Variants in CPNE8 observed in about 807,000 individuals in gnomAD.
The protein encoded by CPNE8 is copine 8, also known as copine-8.
Under a neutral mutation model 81.5 loss-of-function variants are expected in CPNE8, and 45 were observed. The ratio of observed to expected loss-of-function variants is 0.55; its 90% CI spans 0.44 to 0.71. The LOEUF is 0.71. CPNE8 is among the 30% of genes least tolerant of loss of function. The pLI is 0.00. For missense variants in CPNE8, 594 were observed against 672.1 expected, an observed-to-expected ratio of 0.88 and a Z score of 1.28; for synonymous variants, 252 against 226.3, an observed-to-expected ratio of 1.11 and a Z score of -1.02.
chr12:38,808,438 G>C (rs567974299), intron 6 of CPNE8, among the ~76,000 whole-genome samples: 2 of 152,094 alleles, frequency 1.3e-5, no homozygotes, highest in East Asian at 3.9e-4. Flanking sequence ...AAAATGATGA[G>C]TTCATGTCTT....
intron 6 of CPNE8, among the ~76,000 whole-genome samples, chr12:38,788,781 C>T (rs1331132365): frequency 2.6e-5 from 4 of 151,436 alleles, no homozygotes; most frequent in East Asian, 3.9e-4. Context: ...ATAAAATCAA[C>T]GTAAAAATCA....
In CPNE8 at chr12:38,809,680, C is replaced by T. The variant is rs546788847; in HGVS notation, c.407+19699G>A. Among the ~76,000 whole-genome samples the T allele has an allele frequency of 3.3e-5, 5 of 152,268 alleles. No homozygotes were observed. In the East Asian group the frequency reaches 9.7e-4, roughly 29 times the overall value. The stretch of plus-strand genomic sequence containing the variant: ...TCCCTGCCCAGGTCCCTGAAGATCT[C>T]ATCACATTATAACACAAATTCAGTT... On this transcript the variant is annotated intron_variant, in intron 6 of 19. Transcript: ENST00000331366.
intron 6 of CPNE8, among the ~76,000 whole-genome samples, chr12:38,821,627 C>A (rs143001218): frequency 6.6e-6 from 1 of 152,178 alleles, no homozygotes; most frequent in Non-Finnish European, 1.5e-5. Flanking sequence ...AAAACTCATT[C>A]ATTTTACCTA....
chr12:38,806,259 C>A (rs1942798862), intron 6 of CPNE8, among the ~76,000 whole-genome samples: 1 of 150,030 alleles, frequency 6.7e-6, no homozygotes, highest in Non-Finnish European at 1.5e-5. Context: ...TTGATGAGGC[C>A]AGCATCATCC....
At chr12:38,906,321 A>G, upstream of CPNE8, 1 of 985,032 alleles carries the variant, frequency 1.0e-6, no homozygotes, top group Non-Finnish European at 1.2e-6. Flanking sequence ...AATATATGGG[A>G]CAAGTGGGGG....
Position 38,675,765 on chromosome 12 carries a change from G to A in CPNE8, c.1384C>T (p.Leu462Phe). 6.2e-7 allele frequency: 1 copy of A among 1,600,874 alleles called. No homozygotes were observed. Reference protein sequence around the residue: ...TKESIVNASKLPMSIIIVGVG... With the variant: ...TKESIVNASKFPMSIIIVGVG... Reference sequence around the variant, plus strand: ...CCTACTATAATTATTGACATTGGAAGTTTTGAGGCCTTCAAAGAGAATATA... The same window carrying A: ...CCTACTATAATTATTGACATTGGAAATTTTGAGGCCTTCAAAGAGAATATA... The change falls in exon 18 of 20, where the codon CTT (leucine) becomes TTT (phenylalanine). Residue 462 changes from leucine (L) to phenylalanine (F), a missense_variant. Transcript: ENST00000331366.
rs148880530 is a variant in CPNE8, at chr12:38,729,232, T to C, written c.798+1051A>G. ...ATTTACGTAATTACAACCTGTCTTA[T>C]ATGATTTATTTCCTGTTTAGAACCT... On this transcript the variant is annotated intron_variant, in intron 11 of 19. Coordinates refer to ENST00000331366, the MANE Select transcript of CPNE8 (RefSeq NM_153634.3). Among the ~76,000 whole-genome samples, 732 of 152,230 alleles carry C rather than the reference T, an allele frequency of 4.8e-3. 2 individuals are homozygous for C. Among genetic ancestry groups the C allele is most frequent in the Non-Finnish European group, 7.6e-3 (514 of 67,954 alleles).
intron 6 of CPNE8, among the ~76,000 whole-genome samples, chr12:38,809,839 TG>T (rs1942897482): frequency 6.6e-6 from 1 of 152,182 alleles, no homozygotes; most frequent in Admixed American, 6.6e-5. Context: ...GACCTGTGGC[TG>T]TAAAGAAACA....
At chr12:38,749,680 C>A (rs1941311333) in intron 10 of CPNE8, among the ~76,000 whole-genome samples, 1 of 152,080 alleles carries the variant, frequency 6.6e-6, no homozygotes, top group Non-Finnish European at 1.5e-5. Flanking sequence ...ATTTGTGGAA[C>A]TTTGAACTTG....
chr12:38,873,168 TA>T, intron 2 of CPNE8, 118 bp from the exon 3 acceptor site: 1 of 613,438 alleles, frequency 1.6e-6, no homozygotes, highest in Non-Finnish European at 2.8e-6. Flanking sequence ...GCCTAATTCC[TA>T]GACTTACCCT....
At chr12:38,893,570 T>C (rs1053331849) in intron 1 of CPNE8, among the ~76,000 whole-genome samples, 1 of 152,252 alleles carries the variant, frequency 6.6e-6, no homozygotes, top group Non-Finnish European at 1.5e-5. Flanking sequence ...GGTGCTGCTC[T>C]GCCTATGGGT....
intron 19 of CPNE8, among the ~76,000 whole-genome samples, chr12:38,658,200 C>T (rs1432101747): frequency 6.6e-6 from 1 of 152,028 alleles, no homozygotes; most frequent in Non-Finnish European, 1.5e-5. Flanking sequence ...TAGAGAAGAC[C>T]TTAAATGACC....
intron 19 of CPNE8, among the ~76,000 whole-genome samples, chr12:38,655,039 GA>G (rs1165056246): frequency 9.9e-5 from 15 of 151,906 alleles, no homozygotes; most frequent in Non-Finnish European, 1.6e-4. Context: ...GGGAAGACAG[GA>G]AAAAAGATCT....
intron 19 of CPNE8, among the ~76,000 whole-genome samples, chr12:38,654,487 C>A (rs1938773544): frequency 7.2e-6 from 1 of 139,264 alleles, no homozygotes; most frequent in Admixed American, 8.1e-5. Flanking sequence ...TGCACTCCAG[C>A]CTGGCCGACA....
At chr12:38,682,449 T>G (rs2136656212) in intron 16 of CPNE8, among the ~76,000 whole-genome samples, 1 of 152,192 alleles carries the variant, frequency 6.6e-6, no homozygotes, top group Middle Eastern at 3.4e-3. Flanking sequence ...TCCCAGCTAC[T>G]TGGGAGGCTG....
chr12:38,735,643 T>C (rs776148475), intron 10 of CPNE8, among the ~76,000 whole-genome samples: 40 of 152,126 alleles, frequency 2.6e-4, no homozygotes, highest in Non-Finnish European at 4.7e-4. Flanking sequence ...AGTTAAAACA[T>C]CAACACAATC....
intron 10 of CPNE8, among the ~76,000 whole-genome samples, chr12:38,757,143 T>C (rs1941478668): frequency 6.6e-6 from 1 of 152,108 alleles, no homozygotes; most frequent in Non-Finnish European, 1.5e-5. Context: ...GAGCAAATAA[T>C]GTTTTTTAAT....
intron 13 of CPNE8, among the ~76,000 whole-genome samples, chr12:38,716,948 A>G (rs142700178): frequency 0.023 from 3,463 of 152,196 alleles, 55 homozygotes; most frequent in Non-Finnish European, 0.036. Flanking sequence ...AGCAAGAAAA[A>G]AACAATGACC....
intron 6 of CPNE8, among the ~76,000 whole-genome samples, chr12:38,811,050 C>T (rs1390173088): frequency 1.3e-5 from 2 of 152,046 alleles, no homozygotes; most frequent in Non-Finnish European, 2.9e-5. Flanking sequence ...TTAACTATAC[C>T]TGTAAACTTC....
Sources: gnomAD v4.1 joint callset for allele counts (sites outside exome capture counted in the v4.1 genomes callset) on GRCh38, gnomAD v4.1.1 for gene constraint, MANE v1.5 for transcripts, NCBI Gene and HGNC (gene_info 2026-07-23, HGNC 2026-07-21) for gene names.